Variants in LTBP1 observed in about 807,000 individuals in gnomAD.
LTBP1 encodes the protein latent-transforming growth factor beta-binding protein 1.
Under a neutral mutation model 207.6 loss-of-function variants are expected in LTBP1, and 129 were observed. The observed-to-expected ratio is 0.62, with a 90% CI of 0.54 to 0.72. The LOEUF is 0.72. Ranked by LOEUF, LTBP1 falls within the 30% of genes least tolerant of loss-of-function variation. The pLI, the probability that LTBP1 is intolerant of heterozygous loss-of-function variation, is 0.00. For missense variants in LTBP1, 2,281 were observed against 2,217.2 expected (o/e 1.03, Z -0.58); for synonymous variants, 963 against 833.7 (o/e 1.16, Z -2.67).
At chr2:33,150,685 C>CTTTTCTT (rs1454814342) in intron 5 of LTBP1, among the ~76,000 whole-genome samples, 1 of 112,802 alleles carries the variant, frequency 8.9e-6, no homozygotes, top group Non-Finnish European at 1.9e-5. Context: ...ACTTTGCTTT[C>CTTTTCTT]TTTTCTTTTT....
At chr2:33,337,729 T>TGGTA in intron 24 of LTBP1, among the ~76,000 whole-genome samples, 1 of 152,224 alleles carries the variant, frequency 6.6e-6, no homozygotes, top group East Asian at 1.9e-4. Flanking sequence ...CAAAATTGCT[T>TGGTA]GGTAGTTTTA....
chr2:33,315,647 G>A (rs563816689), intron 24 of LTBP1, among the ~76,000 whole-genome samples: 1 of 152,078 alleles, frequency 6.6e-6, no homozygotes, highest in Admixed American at 6.5e-5. Flanking sequence ...CATTCTGTGT[G>A]TAAAAAATGT....
chr2:33,086,653 T>C (rs2078769989), intron 3 of LTBP1, among the ~76,000 whole-genome samples: 1 of 152,248 alleles, frequency 6.6e-6, no homozygotes, highest in Admixed American at 6.5e-5. Flanking sequence ...CACCGCACGG[T>C]AGGCTTTCTA....
intron 2 of LTBP1, among the ~76,000 whole-genome samples, chr2:32,982,231 TAAAA>T (rs1682872421): frequency 6.6e-6 from 1 of 152,152 alleles, no homozygotes. Flanking sequence ...TTGTTACACT[TAAAA>T]AAGAGACTGG....
chr2:33,256,922 C>T (rs1289303926), intron 11 of LTBP1, among the ~76,000 whole-genome samples: 2 of 149,808 alleles, frequency 1.3e-5, no homozygotes, highest in East Asian at 1.9e-4. Context: ...TTTTGATATC[C>T]ACAGGGGTTA....
At chr2:33,273,075 AAT>A (rs2093354129) in intron 15 of LTBP1, among the ~76,000 whole-genome samples, 1 of 152,210 alleles carries the variant, frequency 6.6e-6, no homozygotes, top group African/African-American at 2.4e-5. Context: ...GTAGAAATAA[AAT>A]ATGTTCATTT....
At chr2:33,078,733 AT>A (rs1351365662) in intron 3 of LTBP1, among the ~76,000 whole-genome samples, 1 of 152,186 alleles carries the variant, frequency 6.6e-6, no homozygotes, top group Non-Finnish European at 1.5e-5. Context: ...TAAGAGTGGC[AT>A]ATCACTAAGC....
At chr2:33,395,594 T>G (rs1043931900) in intron 32 of LTBP1, among the ~76,000 whole-genome samples, 3 of 152,186 alleles carry the variant, frequency 2.0e-5, no homozygotes, top group African/African-American at 7.2e-5. Flanking sequence ...AATCTTAGAA[T>G]GTAAGAGAAA....
chr2:33,228,271 A>G (rs933578902), intron 9 of LTBP1, among the ~76,000 whole-genome samples: 1 of 152,184 alleles, frequency 6.6e-6, no homozygotes, highest in Non-Finnish European at 1.5e-5. Context: ...TAATAACTAA[A>G]TTTACTGTGT....
At chr2:32,984,284 C>T (rs1683209068) in intron 2 of LTBP1, among the ~76,000 whole-genome samples, 1 of 152,214 alleles carries the variant, frequency 6.6e-6, no homozygotes, top group African/African-American at 2.4e-5. Context: ...TTGGCCAAGT[C>T]TCTCTTTTTT....
At chr2:32,951,951 GTCA>G (rs1379409458) in intron 2 of LTBP1, among the ~76,000 whole-genome samples, 4 of 152,106 alleles carry the variant, frequency 2.6e-5, no homozygotes, top group African/African-American at 9.7e-5. Flanking sequence ...CCTTATAATA[GTCA>G]TCATAAAATA....
chr2:33,249,064 C>G (rs1401865734), intron 10 of LTBP1, among the ~76,000 whole-genome samples: 1 of 152,050 alleles, frequency 6.6e-6, no homozygotes, highest in East Asian at 1.9e-4. Flanking sequence ...GAATTTCATC[C>G]AAGAAATGAT....
intron 5 of LTBP1, among the ~76,000 whole-genome samples, chr2:33,140,869 A>G (rs1469395527): frequency 6.6e-6 from 1 of 151,954 alleles, no homozygotes; most frequent in Non-Finnish European, 1.5e-5. Flanking sequence ...GGGTTTCACT[A>G]TGTTGGCCAG....
chr2:33,245,160 G>A (rs1157495367), intron 10 of LTBP1, among the ~76,000 whole-genome samples: 3 of 152,194 alleles, frequency 2.0e-5, no homozygotes, highest in Non-Finnish European at 4.4e-5. Flanking sequence ...GATTATAGGT[G>A]TGAGCCACCA....
At chr2:33,290,938 A>G (rs1047084470) in intron 19 of LTBP1, among the ~76,000 whole-genome samples, 9 of 152,222 alleles carry the variant, frequency 5.9e-5, no homozygotes, top group Admixed American at 5.9e-4. Context: ...CACCATTTGC[A>G]TCCACCAAGT....
At chr2:33,070,359 G>T (rs916904473) in intron 3 of LTBP1, among the ~76,000 whole-genome samples, 1 of 152,214 alleles carries the variant, frequency 6.6e-6, no homozygotes, top group East Asian at 1.9e-4. Flanking sequence ...TAACTGGGGC[G>T]GCATGCCCGT....
intron 3 of LTBP1, among the ~76,000 whole-genome samples, chr2:33,104,547 C>G (rs889848152): frequency 6.6e-6 from 1 of 152,132 alleles, no homozygotes; most frequent in African/African-American, 2.4e-5. Flanking sequence ...CTCCTGCTTC[C>G]TCCTAGAAAC....
At chr2:33,056,315 G>C (rs2076997699) in intron 3 of LTBP1, 2 of 990,012 alleles carry the variant, frequency 2.0e-6, no homozygotes, top group Non-Finnish European at 2.8e-6. Context: ...CTGCAGTTTT[G>C]TTTTGTTTTG....
chr2:33,229,372 G>C (rs1025000432), intron 9 of LTBP1, among the ~76,000 whole-genome samples: 1 of 152,116 alleles, frequency 6.6e-6, no homozygotes, highest in Admixed American at 6.5e-5. Context: ...CTACTGAGAA[G>C]CTGAGGCAGA....
Sources: allele counts gnomAD v4.1 joint callset (sites outside exome capture counted in the v4.1 genomes callset), GRCh38; gene constraint gnomAD v4.1.1; transcripts MANE v1.5; gene names NCBI Gene and HGNC (gene_info 2026-07-23, HGNC 2026-07-21).